NBR1: variants seen among roughly 807,000 people sequenced by gnomAD.
NBR1 encodes next to BRCA1 gene 1 protein.
A neutral mutation model predicts 115.5 loss-of-function variants in NBR1; 59 were observed. That is an observed-to-expected ratio of 0.51 (90% confidence interval 0.41 to 0.63). The LOEUF (loss-of-function observed/expected upper bound fraction) is 0.63, where lower values mean the gene tolerates loss of function less well. Ranked by LOEUF, NBR1 falls within the 30% of genes least tolerant of loss-of-function variation. The pLI, the probability that NBR1 is intolerant of heterozygous loss-of-function variation, is 0.00. For missense variants in NBR1, 1,043 were observed against 1,150.5 expected (o/e 0.91, Z 1.35); for synonymous variants, 373 against 414.7 (o/e 0.90, Z 1.22).
chr17:43,191,305 T>C (rs2056938747), intron 9 of NBR1, 67 bp from the exon 10 acceptor site: 2 of 1,169,834 alleles, frequency 1.7e-6, no homozygotes, highest in South Asian at 1.4e-5. Context: ...GAAATTGCAA[T>C]TGGCTCCACA....
At chr17:43,191,700 C>G (rs891175675) in intron 10 of NBR1, 119 bp downstream of exon 10, 21 of 666,934 alleles carry the variant, frequency 3.1e-5, no homozygotes, top group Non-Finnish European at 5.4e-5. Context: ...TTAAAACTTT[C>G]CATTATCTGG....
chr17:43,174,992 G>C (rs936733951), intron 1 of NBR1, among the ~76,000 whole-genome samples: 99 of 151,792 alleles, frequency 6.5e-4, no homozygotes, highest in African/African-American at 2.3e-3. Context: ...CCAGCTACTC[G>C]AGAGGCTGAG....
intron 20 of NBR1, chr17:43,209,574 G>C (rs1271272564): frequency 2.0e-6 from 3 of 1,535,174 alleles, no homozygotes; most frequent in Non-Finnish European, 2.6e-6. Context: ...GGGGCTTGCT[G>C]TCATTCCTTC....
chr17:43,173,213 A>G (rs1374790338), intron 1 of NBR1, among the ~76,000 whole-genome samples: 2 of 151,846 alleles, frequency 1.3e-5, no homozygotes, highest in African/African-American at 2.4e-5. Context: ...TTGAACTCCT[A>G]GGCTCATGAT....
intron 10 of NBR1, 87 bp downstream of exon 10, chr17:43,191,668 G>T: frequency 2.3e-6 from 2 of 855,176 alleles, no homozygotes; most frequent in Non-Finnish European, 3.7e-6. Context: ...TTATTTATTG[G>T]TAGCCCTTAA....
At chr17:43,171,865 ACTG>A (rs1019633469) in intron 1 of NBR1, among the ~76,000 whole-genome samples, 84 of 152,216 alleles carry the variant, frequency 5.5e-4, no homozygotes, top group African/African-American at 1.9e-3. Context: ...CTGGGCTTGA[ACTG>A]CTGAGCTCAA....
At chr17:43,203,615 A>C in intron 19 of NBR1, 66 bp from the exon 20 acceptor site, 1 of 988,996 alleles carries the variant, frequency 1.0e-6, no homozygotes, top group South Asian at 1.5e-5. Flanking sequence ...ATTAGAGCCC[A>C]GATTATCTTG....
chr17:43,174,912 G>A (rs1476509351), intron 1 of NBR1, among the ~76,000 whole-genome samples: 4 of 150,712 alleles, frequency 2.7e-5, no homozygotes, highest in African/African-American at 4.9e-5. Flanking sequence ...TGCCTAACAC[G>A]GTGAAACCCC....
rs1160170102 is a variant in NBR1, at chr17:43,190,732, A to G, written c.819A>G (p.Ser273=). 1 of 1,613,492 alleles carries G rather than the reference A, an allele frequency of 6.2e-7. No individual in the cohort carries two copies. The highest frequency in any genetic ancestry group is 1.3e-5 in the African/African-American group (1 of 75,046). ...VVGSSEPFCH[S]KYSTPRLPAA... Reference sequence around the variant, plus strand: ...GCTCCTCTGAACCGTTCTGTCACTCAAAGTACTCTACTCCTCGTCTTCCTG... The same window carrying G: ...GCTCCTCTGAACCGTTCTGTCACTCGAAGTACTCTACTCCTCGTCTTCCTG... The change falls in exon 9 of 21, where the codon TCA becomes TCG. Residue 273 remains serine, a synonymous_variant. Transcript: ENST00000590996.
intron 5 of NBR1, among the ~76,000 whole-genome samples, chr17:43,181,336 A>G (rs1280796589): frequency 3.3e-5 from 5 of 152,228 alleles, no homozygotes; most frequent in South Asian, 2.1e-4. Context: ...TTACAGTCCC[A>G]TCTCTTTGCT....
chr17:43,211,551 T>G lies in NBR1; in HGVS notation c.*1477T>G, dbSNP rs2057415811. Reference sequence around the variant, plus strand: ...GGTGGAGCGGCAGGGTGTAATTGGGTTGATGGGTGGGACCTGTCTTGACCA... The same window carrying G: ...GGTGGAGCGGCAGGGTGTAATTGGGGTGATGGGTGGGACCTGTCTTGACCA... On this transcript the variant is annotated 3_prime_UTR_variant, in exon 21 of 21. Coordinates refer to ENST00000590996, the MANE Select transcript of NBR1 (RefSeq NM_005899.5). 1 of 152,486 alleles carries G rather than the reference T, an allele frequency of 6.6e-6. No individual in the cohort carries two copies. Among genetic ancestry groups the G allele is most frequent in the South Asian group, 2.1e-4 (1 of 4,826 alleles). 9.4% of individuals were successfully genotyped at this position (152,486 alleles called of 1,614,324 possible).
chr17:43,172,272 C>T (rs1237260508), intron 1 of NBR1, among the ~76,000 whole-genome samples: 2 of 152,172 alleles, frequency 1.3e-5, no homozygotes, highest in Non-Finnish European at 2.9e-5. Flanking sequence ...AATTTTTTTA[C>T]ATGTCAGCCA....
intron 20 of NBR1, among the ~76,000 whole-genome samples, chr17:43,208,359 G>T (rs1458872368): frequency 6.6e-6 from 1 of 152,188 alleles, no homozygotes. Context: ...AAGATACAAT[G>T]CAAGGTACAT....
At position 43,198,089 on chromosome 17, in the gene NBR1, A is replaced by G. The variant is rs537856492; in HGVS notation, c.2026+983A>G. Among the ~76,000 whole-genome samples the G allele has an allele frequency of 3.3e-5, 5 of 151,588 alleles. No homozygotes were observed. The South Asian group carries it at 8.3e-4, about 25-fold the overall frequency. ...AGGCTGAGGCAGGAGAATCACTTTA[A>G]CCCGGGAGGCGAAGGCTGTGGTTAG... is the stretch of plus-strand genomic sequence containing the variant. On this transcript the variant is annotated intron_variant, in intron 16 of 20. Transcript: ENST00000590996.
intron 12 of NBR1, among the ~76,000 whole-genome samples, chr17:43,194,134 A>G (rs1177008050): frequency 6.6e-6 from 1 of 152,170 alleles, no homozygotes; most frequent in Non-Finnish European, 1.5e-5. Flanking sequence ...TTTGACTATT[A>G]TAGTTAATAT....
intron 1 of NBR1, among the ~76,000 whole-genome samples, chr17:43,172,069 G>T (rs944093681): frequency 6.6e-6 from 1 of 152,082 alleles, no homozygotes; most frequent in Admixed American, 6.5e-5. Flanking sequence ...AAAAAAAATC[G>T]ACGTGGAGGA....
intron 14 of NBR1, chr17:43,195,967 C>G (rs1351938914): frequency 6.6e-6 from 1 of 151,066 alleles, no homozygotes; most frequent in Non-Finnish European, 1.5e-5. Context: ...ACTAAAAATA[C>G]AAAAATTAGC....
intron 1 of NBR1, among the ~76,000 whole-genome samples, chr17:43,173,847 G>A (rs908316192): frequency 1.5e-4 from 2 of 13,606 alleles, no homozygotes; most frequent in East Asian, 2.9e-3. Context: ...CCCCACCCCC[G>A]CAGACCACGC....
intron 10 of NBR1, among the ~76,000 whole-genome samples, 186 bp from the exon 11 acceptor site, chr17:43,192,903 ATTGTT>A (rs1021604640): frequency 2.0e-4 from 31 of 152,098 alleles, no homozygotes; most frequent in African/African-American, 7.5e-4. Flanking sequence ...GTTTTGTTTT[ATTGTT>A]TTAAGTTTGT....
Sources: allele counts gnomAD v4.1 joint callset (sites outside exome capture counted in the v4.1 genomes callset), GRCh38; gene constraint gnomAD v4.1.1; transcripts MANE v1.5; gene names NCBI Gene and HGNC (gene_info 2026-07-23, HGNC 2026-07-21).